Variants in PTPN14 observed in about 807,000 individuals in gnomAD.
PTPN14 encodes the protein protein tyrosine phosphatase non-receptor type 14, also known as tyrosine-protein phosphatase non-receptor type 14.
PTPN14 carries 53 observed loss-of-function variants against 126.8 expected under a neutral mutation model. The observed-to-expected ratio is 0.42, with a 90% CI of 0.34 to 0.53. The LOEUF (loss-of-function observed/expected upper bound fraction) is 0.53. Ranked by LOEUF, PTPN14 falls within the 20% of genes least tolerant of loss-of-function variation. The pLI is 0.08. For synonymous variants in PTPN14, 630 were observed against 599.3 expected (o/e 1.05, Z -0.75); for missense variants, 1,257 against 1,552.9 (o/e 0.81, Z 3.20).
At chr1:214,489,689 C>T (rs1349370127) in intron 1 of PTPN14, among the ~76,000 whole-genome samples, 1 of 152,170 alleles carries the variant, frequency 6.6e-6, no homozygotes, top group Non-Finnish European at 1.5e-5. Context: ...ATTTTATATT[C>T]AACTCTGCAG....
intron 5 of PTPN14, among the ~76,000 whole-genome samples, chr1:214,411,406 A>C (rs1040908071): frequency 1.3e-5 from 2 of 152,224 alleles, no homozygotes; most frequent in African/African-American, 2.4e-5. Context: ...AAACAAATTT[A>C]GTAAAGTTTC....
chr1:214,445,924 A>G (rs1170594358), intron 3 of PTPN14, among the ~76,000 whole-genome samples: 1 of 152,214 alleles, frequency 6.6e-6, no homozygotes. Flanking sequence ...AACACATTAC[A>G]AAAATCTTTC....
At chr1:214,409,929 CTGT>C (rs34395987) in intron 5 of PTPN14, among the ~76,000 whole-genome samples, 17,043 of 152,182 alleles carry the variant, frequency 0.11, 1,057 homozygotes, top group Middle Eastern at 0.14. Context: ...TTTCATATGT[CTGT>C]TGGCCTTCTG....
At chr1:214,452,295 C>A (rs571669593) in intron 2 of PTPN14, among the ~76,000 whole-genome samples, 1 of 152,276 alleles carries the variant, frequency 6.6e-6, no homozygotes, top group South Asian at 2.1e-4. Flanking sequence ...CTGAAGACTG[C>A]CTTTTCTGTG....
intron 11 of PTPN14, 92 bp from the exon 12 acceptor site, chr1:214,387,014 C>T (rs921270122): frequency 1.1e-5 from 13 of 1,202,496 alleles, no homozygotes; most frequent in African/African-American, 4.6e-5. Flanking sequence ...AGTCCCGCCA[C>T]GTTGTAAGGG....
At chr1:214,409,791 TA>T (rs1356453407) in intron 5 of PTPN14, among the ~76,000 whole-genome samples, 1 of 152,188 alleles carries the variant, frequency 6.6e-6, no homozygotes, top group Non-Finnish European at 1.5e-5. Context: ...AGTAAGACTT[TA>T]CTCCTCATAC....
intron 2 of PTPN14, among the ~76,000 whole-genome samples, chr1:214,458,479 C>T (rs753900689): frequency 1.3e-5 from 2 of 152,160 alleles, no homozygotes; most frequent in Admixed American, 6.5e-5. Context: ...GCAGCCACAT[C>T]GAGTGCTTCC....
intron 13 of PTPN14, among the ~76,000 whole-genome samples, chr1:214,380,619 A>G (rs1008669406): frequency 2.0e-5 from 3 of 152,216 alleles, no homozygotes; most frequent in Admixed American, 6.5e-5. Flanking sequence ...GCAAATTCTC[A>G]CCATACCTGC....
intron 12 of PTPN14, among the ~76,000 whole-genome samples, chr1:214,385,186 T>C (rs1340049136): frequency 2.6e-5 from 4 of 152,134 alleles, no homozygotes; most frequent in Non-Finnish European, 5.9e-5. Flanking sequence ...AGAACTTTAA[T>C]AGGGCAATAG....
chr1:214,459,746 C>T (rs944228067), intron 2 of PTPN14, among the ~76,000 whole-genome samples: 4 of 152,052 alleles, frequency 2.6e-5, no homozygotes, highest in African/African-American at 9.7e-5. Flanking sequence ...AGATTACAGG[C>T]GCAAGCCACC....
At chr1:214,426,956 A>T (rs1388671732) in intron 3 of PTPN14, among the ~76,000 whole-genome samples, 1 of 152,116 alleles carries the variant, frequency 6.6e-6, no homozygotes, top group African/African-American at 2.4e-5. Context: ...AAAATAAAAT[A>T]AAAAAATCTC....
intron 1 of PTPN14, among the ~76,000 whole-genome samples, chr1:214,486,252 T>C (rs574263444): frequency 6.6e-6 from 1 of 152,292 alleles, no homozygotes; most frequent in South Asian, 2.1e-4. Flanking sequence ...TTATCTCTCA[T>C]ACTCATGTCA....
At chr1:214,543,167 C>T (rs532997911) in intron 1 of PTPN14, among the ~76,000 whole-genome samples, 1 of 152,194 alleles carries the variant, frequency 6.6e-6, no homozygotes, top group African/African-American at 2.4e-5. Context: ...CTATATGATA[C>T]AAAAGACAAT....
chr1:214,525,245 G>A lies in PTPN14; in HGVS notation c.-155+25938C>T, dbSNP rs779350862. Among the ~76,000 whole-genome samples, 7 of 152,104 alleles carry A rather than the reference G, an allele frequency of 4.6e-5. No individual in the cohort carries two copies. In the South Asian group the frequency reaches 8.3e-4, roughly 18 times the overall value. ...TTTTTCCACAGTGGAGCAAAACTTC[G>A]GCTAAATTCTACTAAACCTCTTACC... On this transcript the variant is annotated intron_variant, in intron 1 of 18. Transcript: ENST00000366956.
At chr1:214,434,566 T>G (rs562201446) in intron 3 of PTPN14, among the ~76,000 whole-genome samples, 1 of 151,806 alleles carries the variant, frequency 6.6e-6, no homozygotes, top group Non-Finnish European at 1.5e-5. Flanking sequence ...AAATAGTAAT[T>G]AGGAAGTATA....
chr1:214,467,512 T>A (rs1242494984), intron 1 of PTPN14, among the ~76,000 whole-genome samples: 4 of 152,136 alleles, frequency 2.6e-5, no homozygotes, highest in Admixed American at 6.5e-5. Flanking sequence ...GCATAACTAG[T>A]GAAATAAAAA....
At chr1:214,549,206 C>G (rs1336183702) in intron 1 of PTPN14, among the ~76,000 whole-genome samples, 1 of 152,162 alleles carries the variant, frequency 6.6e-6, no homozygotes, top group African/African-American at 2.4e-5. Context: ...ATGAACAATA[C>G]TACAACACCA....
intron 3 of PTPN14, among the ~76,000 whole-genome samples, chr1:214,450,817 T>C (rs1660257555): frequency 6.6e-6 from 1 of 152,206 alleles, no homozygotes; most frequent in East Asian, 1.9e-4. Context: ...ACTTATTCCA[T>C]TCACTGAATA....
chr1:214,388,406 CT>C (rs922013520), intron 11 of PTPN14, among the ~76,000 whole-genome samples: 77 of 146,970 alleles, frequency 5.2e-4, no homozygotes, highest in South Asian at 1.1e-3. Flanking sequence ...TTTCTTTTTT[CT>C]TTTTTTTTTT....
Sources: gnomAD v4.1 joint callset for allele counts (sites outside exome capture counted in the v4.1 genomes callset) on GRCh38, gnomAD v4.1.1 for gene constraint, MANE v1.5 for transcripts, NCBI Gene and HGNC (gene_info 2026-07-23, HGNC 2026-07-21) for gene names.